Variants in AK9 observed in about 807,000 individuals in gnomAD.
AK9 encodes adenylate kinase domain containing 1.
In AK9, 191 loss-of-function variants were observed where a neutral mutation model predicts 239.6. The ratio of observed to expected loss-of-function variants is 0.80; its 90% CI spans 0.71 to 0.90. The LOEUF is 0.90. Among genes scored for constraint, AK9 ranks in the 40% least tolerant of loss-of-function variants. AK9 has a pLI of 0.00. For synonymous variants in AK9, 689 were observed against 721.0 expected (o/e 0.96, Z 0.71); for missense variants, 1,995 against 2,214.7 (o/e 0.90, Z 1.99).
chr6:109,564,226 G>A lies in AK9; in HGVS notation c.2489C>T (p.Pro830Leu), dbSNP rs1379107151. ...DSYPDVPEME[P>L]FKEKIGSFII... Reference sequence around the variant, plus strand: ...GAAAGAACCAATCTTCTCTTTAAATGGCTCCATTTCGGGAACATCAGGATA... The same window carrying A: ...GAAAGAACCAATCTTCTCTTTAAATAGCTCCATTTCGGGAACATCAGGATA... The change falls in exon 23 of 41, where the codon CCA (proline) becomes CTA (leucine). Residue 830 changes from proline to leucine, a missense_variant. By Grantham distance (98) the Pro-to-Leu change is moderately conservative. This residue lies in a region of AK9 where 1,290 missense variants were observed against 1,392.7 expected (regional missense o/e 0.93). Transcript: ENST00000424296. The A allele has an allele frequency of 1.3e-6, 2 of 1,551,190 alleles. No individual in the cohort carries two copies. The highest frequency in any genetic ancestry group is 3.9e-5 in the Admixed American group (2 of 50,962).
At chr6:109,684,645 C>T (rs377223235) in intron 1 of AK9, among the ~76,000 whole-genome samples, 1 of 150,600 alleles carries the variant, frequency 6.6e-6, no homozygotes, top group East Asian at 1.9e-4. Flanking sequence ...GAGGCCGAGG[C>T]GGGCGGATCA....
intron 32 of AK9, among the ~76,000 whole-genome samples, chr6:109,513,655 C>T (rs771034389): frequency 6.6e-6 from 1 of 152,148 alleles, no homozygotes; most frequent in Non-Finnish European, 1.5e-5. Flanking sequence ...GAATTCTAGA[C>T]AGAAATACAG....
At chr6:109,598,234 C>G in intron 17 of AK9, among the ~76,000 whole-genome samples, 1 of 144,824 alleles carries the variant, frequency 6.9e-6, no homozygotes, top group African/African-American at 2.6e-5. Flanking sequence ...TCCCCCCACC[C>G]CACAACAGTC....
At chr6:109,601,644 C>G (rs1791985090) in intron 17 of AK9, among the ~76,000 whole-genome samples, 1 of 152,106 alleles carries the variant, frequency 6.6e-6, no homozygotes, top group Non-Finnish European at 1.5e-5. Flanking sequence ...TGTTAACTTT[C>G]TGTCTCGTTG....
intron 10 of AK9, among the ~76,000 whole-genome samples, chr6:109,638,163 A>G (rs1796952601): frequency 6.6e-6 from 1 of 152,210 alleles, no homozygotes; most frequent in Non-Finnish European, 1.5e-5. Flanking sequence ...CCATGCATGC[A>G]ATGCTTTCTA....
rs192936670 is a variant in AK9, at chr6:109,529,209, T to C, written c.3571-136A>G. 36 of 985,326 alleles carry C rather than the reference T, an allele frequency of 3.7e-5. No homozygotes were observed. In the Admixed American group the frequency reaches 1.0e-3, roughly 28 times the overall value. 61.0% of individuals were successfully genotyped at this position (985,326 alleles called of 1,614,324 possible). A position where few individuals can be genotyped will look rare whatever the true frequency, so the allele number is the denominator to read the frequency against. ...GTGAACTTTGCAGGAAAGGATGTGA[T>C]GGCGGTAATCATGTTGCTTGGCTTG... On this transcript the variant is annotated intron_variant, in intron 28 of 40. Transcript: ENST00000424296.
intron 1 of AK9, among the ~76,000 whole-genome samples, chr6:109,685,407 T>C (rs965855404): frequency 1.3e-5 from 2 of 152,112 alleles, no homozygotes; most frequent in African/African-American, 4.8e-5. Flanking sequence ...CCATAAAAAA[T>C]GATGAATTCA....
intron 21 of AK9, among the ~76,000 whole-genome samples, chr6:109,571,385 A>G (rs1787395035): frequency 6.6e-6 from 1 of 152,198 alleles, no homozygotes; most frequent in Admixed American, 6.6e-5. Flanking sequence ...CCATATAGTT[A>G]TTGTTTATTG....
At chr6:109,637,026 CA>C (rs1796804566) in intron 10 of AK9, among the ~76,000 whole-genome samples, 1 of 152,152 alleles carries the variant, frequency 6.6e-6, no homozygotes, top group Admixed American at 6.5e-5. Flanking sequence ...ACAAACAATG[CA>C]AGAGGGTTCT....
chr6:109,527,674 C>T (rs959653017), intron 29 of AK9: 4 of 151,926 alleles, frequency 2.6e-5, no homozygotes, highest in South Asian at 2.1e-4. Flanking sequence ...AGTTGTGCTG[C>T]GAGTTTGTTT....
At chr6:109,497,362 A>ACTCTCTCTCTCT (rs761117338) in intron 38 of AK9, 103 bp downstream of exon 38, 61 of 500,484 alleles carry the variant, frequency 1.2e-4, no homozygotes, top group African/African-American at 2.7e-4. Flanking sequence ...ACACACACAC[A>ACTCTCTCTCTCT]CTCTCTCTCT....
At chr6:109,644,043 C>T (rs1797753832) in intron 9 of AK9, among the ~76,000 whole-genome samples, 1 of 152,180 alleles carries the variant, frequency 6.6e-6, no homozygotes, top group African/African-American at 2.4e-5. Flanking sequence ...TTATTTTCCC[C>T]AACATATTGG....
At chr6:109,652,356 CT>C (rs1293613658) in intron 8 of AK9, among the ~76,000 whole-genome samples, 1 of 152,078 alleles carries the variant, frequency 6.6e-6, no homozygotes, top group African/African-American at 2.4e-5. Context: ...ATTCAACAGC[CT>C]TCATGCTGAA....
At chr6:109,541,690 A>G (rs7746667) in intron 27 of AK9, among the ~76,000 whole-genome samples, 3 of 152,358 alleles carry the variant, frequency 2.0e-5, no homozygotes, top group African/African-American at 7.2e-5. Context: ...GATTACAGGC[A>G]TGAGCCACTG....
At chr6:109,594,494 C>G (rs945655079) in intron 17 of AK9, among the ~76,000 whole-genome samples, 2 of 152,158 alleles carry the variant, frequency 1.3e-5, no homozygotes, top group African/African-American at 4.8e-5. Context: ...ACTTTCTTCA[C>G]AGAATCAGAA....
At chr6:109,539,526 A>G (rs191202257) in intron 27 of AK9, among the ~76,000 whole-genome samples, 2 of 152,266 alleles carry the variant, frequency 1.3e-5, no homozygotes, top group East Asian at 3.9e-4. Flanking sequence ...CAAAGTTTTC[A>G]GCTTCTTTGC....
At chr6:109,642,438 T>C (rs960976393) in intron 9 of AK9, among the ~76,000 whole-genome samples, 4 of 152,206 alleles carry the variant, frequency 2.6e-5, no homozygotes, top group Non-Finnish European at 5.9e-5. Flanking sequence ...TAGTTCATTC[T>C]GGGTGGAGTA....
At chr6:109,551,565 AT>A (rs1225843929) in intron 24 of AK9, among the ~76,000 whole-genome samples, 2 of 151,364 alleles carry the variant, frequency 1.3e-5, no homozygotes, top group Non-Finnish European at 2.9e-5. Flanking sequence ...GAAAATAATG[AT>A]TTTTTTCCTA....
chr6:109,618,584 G>T (rs1794458529), intron 13 of AK9, among the ~76,000 whole-genome samples: 1 of 152,216 alleles, frequency 6.6e-6, no homozygotes, highest in South Asian at 2.1e-4. Flanking sequence ...GATTTCCAGG[G>T]AGCCATTCAA....
Sources: allele counts gnomAD v4.1 joint callset (sites outside exome capture counted in the v4.1 genomes callset), GRCh38; gene constraint gnomAD v4.1.1; regional missense constraint gnomAD v4.1.1; transcripts MANE v1.5; gene names NCBI Gene and HGNC (gene_info 2026-07-23, HGNC 2026-07-21).